Variants in GPATCH2L observed in about 807,000 individuals in gnomAD.
GPATCH2L encodes G patch domain-containing protein 2-like.
Under a neutral mutation model 57.4 loss-of-function variants are expected in GPATCH2L, and 31 were observed. The observed-to-expected ratio is 0.54, with a 90% CI of 0.41 to 0.73. GPATCH2L has a LOEUF of 0.73. GPATCH2L is among the 30% of genes least tolerant of loss of function. The pLI, the probability that GPATCH2L is intolerant of heterozygous loss-of-function variation, is 0.00. For missense variants in GPATCH2L, 481 were observed against 599.9 expected, an observed-to-expected ratio of 0.80 and a Z score of 2.07; for synonymous variants, 199 against 210.7, an observed-to-expected ratio of 0.94 and a Z score of 0.48.
intron 2 of GPATCH2L, 120 bp from the exon 3 acceptor site, chr14:76,166,543 A>G (rs1333121929): frequency 1.3e-5 from 8 of 597,736 alleles, no homozygotes; most frequent in South Asian, 2.2e-5. Flanking sequence ...TGAAATTTAC[A>G]TATCTGATTG....
chr14:76,167,274 C>A (rs891619413), intron 3 of GPATCH2L, among the ~76,000 whole-genome samples: 1 of 152,088 alleles, frequency 6.6e-6, no homozygotes, highest in African/African-American at 2.4e-5. Flanking sequence ...TTTTTACTAC[C>A]TAAACACTAA....
At chr14:76,227,719 A>G (rs926548895) in intron 1 of GPATCH2L, among the ~76,000 whole-genome samples, 22 of 42,668 alleles carry the variant, frequency 5.2e-4, no homozygotes, top group Admixed American at 1.2e-3. Flanking sequence ...ATAAAGTACT[A>G]CTTACAAGAA....
At chr14:76,165,251 T>C (rs1009326482) in intron 2 of GPATCH2L, among the ~76,000 whole-genome samples, 3 of 152,070 alleles carry the variant, frequency 2.0e-5, no homozygotes, top group African/African-American at 4.8e-5. Context: ...CTCAGCACTT[T>C]GGGAGGCCAT....
intron 3 of GPATCH2L, 79 bp from the exon 4 acceptor site, chr14:76,171,764 C>CT (rs2039096553): frequency 1.2e-6 from 1 of 811,908 alleles, no homozygotes; most frequent in Admixed American, 2.7e-5. Flanking sequence ...AACTATGGCA[C>CT]TAAGAAATCA....
rs183282952 is a variant in GPATCH2L, at chr14:76,152,495, C to G, written c.-11+504C>G. On this transcript the variant is annotated intron_variant, in intron 1 of 9. Coordinates refer to ENST00000261530, the MANE Select transcript of GPATCH2L (RefSeq NM_017926.4). ...CCACCTCCTACTCCGCCCCTCACTTCCACCCTGCTCCTGTCTCTCTTCTTA... is the reference window on the plus strand; with the variant it reads ...CCACCTCCTACTCCGCCCCTCACTTGCACCCTGCTCCTGTCTCTCTTCTTA... 6.2e-3 allele frequency: 2,184 copies of G among 352,508 alleles called. 16 individuals are homozygous for G. The highest frequency in any genetic ancestry group is 0.012 in the South Asian group (586 of 46,962). The allele number at this position is 352,508 out of a possible 1,614,324, so 21.8% of individuals were successfully genotyped here.
rs1595010244 is a variant in GPATCH2L, at chr14:76,213,699, A to C, written c.*11848A>C. 2 of 152,294 alleles carry C rather than the reference A, an allele frequency of 1.3e-5. No individual in the cohort carries two copies. The highest frequency in any genetic ancestry group is 3.9e-4 in the East Asian group (2 of 5,180). 9.4% of individuals were successfully genotyped at this position (152,294 alleles called of 1,614,324 possible). Reference sequence around the variant, plus strand: ...CTCTTGATCCAAAACCTTTTTTAAAAAAAATAATTTTAGACTTAACAGAAA... The same window carrying C: ...CTCTTGATCCAAAACCTTTTTTAAACAAAATAATTTTAGACTTAACAGAAA... On this transcript the variant is annotated 3_prime_UTR_variant, in exon 10 of 10. Transcript: ENST00000261530.
At chr14:76,194,484 A>AGTGTGTGTGT (rs59406744) in intron 8 of GPATCH2L, among the ~76,000 whole-genome samples, 3,199 of 151,098 alleles carry the variant, frequency 0.021, 50 homozygotes, top group African/African-American at 0.045. Flanking sequence ...GAGACATGAA[A>AGTGTGTGTGT]GTGTGTGTGT....
downstream of GPATCH2L, among the ~76,000 whole-genome samples, chr14:76,217,378 C>T (rs143317219): frequency 1.6e-4 from 24 of 152,168 alleles, no homozygotes; most frequent in African/African-American, 5.1e-4. Context: ...CATAATAATG[C>T]GACTGAACTC....
chr14:76,204,253 A>G lies in GPATCH2L; in HGVS notation c.*2402A>G, dbSNP rs2040350160. 1 of 152,158 alleles carries G rather than the reference A, an allele frequency of 6.6e-6. No homozygotes were observed. 9.4% of individuals were successfully genotyped at this position (152,158 alleles called of 1,614,324 possible). A position where few individuals can be genotyped will look rare whatever the true frequency, so the allele number is the denominator to read the frequency against. Reference sequence around the variant, plus strand: ...ATGAAACAGTATACCATGAATATTTATTATCTTTCTTGGGCATGCTTTTCT... The same window carrying G: ...ATGAAACAGTATACCATGAATATTTGTTATCTTTCTTGGGCATGCTTTTCT... On this transcript the variant is annotated 3_prime_UTR_variant, in exon 10 of 10. Transcript: ENST00000261530.
chr14:76,233,169 G>A (rs932644892), intron 2 of GPATCH2L, among the ~76,000 whole-genome samples: 6 of 152,150 alleles, frequency 3.9e-5, no homozygotes, highest in African/African-American at 1.4e-4. Flanking sequence ...GTAAATTATT[G>A]GGAGTGGAAT....
chr14:76,226,459 G>A (rs866023069), intron 1 of GPATCH2L, among the ~76,000 whole-genome samples: 4 of 152,118 alleles, frequency 2.6e-5, no homozygotes, highest in Non-Finnish European at 4.4e-5. Context: ...GTAACTGGAG[G>A]GAGAAAAAGG....
chr14:76,224,955 G>C (rs2040530668), intron 1 of GPATCH2L, among the ~76,000 whole-genome samples: 1 of 152,226 alleles, frequency 6.6e-6, no homozygotes, highest in East Asian at 1.9e-4. Context: ...TACATGGAAA[G>C]CATTACAGAG....
In GPATCH2L at chr14:76,201,989, G is replaced by T; in HGVS notation, c.*138G>T. 1 of 626,414 alleles carries T rather than the reference G, an allele frequency of 1.6e-6. No individual in the cohort carries two copies. The highest frequency in any genetic ancestry group is 2.7e-6 in the Non-Finnish European group (1 of 369,064). The allele number at this position is 626,414 out of a possible 1,614,324, so 38.8% of individuals were successfully genotyped here. A position where few individuals can be genotyped will look rare whatever the true frequency, so the allele number is the denominator to read the frequency against. On this transcript the variant is annotated 3_prime_UTR_variant, in exon 10 of 10. Coordinates refer to ENST00000261530, the MANE Select transcript of GPATCH2L (RefSeq NM_017926.4). ...AGAACCAACTCCTCTTTCAAACACAGCAGTGGATTCTTTCTCTCAGAAGAT... is the reference window on the plus strand; with the variant it reads ...AGAACCAACTCCTCTTTCAAACACATCAGTGGATTCTTTCTCTCAGAAGAT...
At chr14:76,226,665 C>T (rs1000780639) in intron 1 of GPATCH2L, among the ~76,000 whole-genome samples, 17 of 152,094 alleles carry the variant, frequency 1.1e-4, no homozygotes, top group African/African-American at 3.4e-4. Flanking sequence ...AAAAAGGGCT[C>T]GTGGGCGTGG....
intron 9 of GPATCH2L, among the ~76,000 whole-genome samples, chr14:76,198,705 TCA>T (rs1164276696): frequency 6.6e-6 from 1 of 152,174 alleles, no homozygotes; most frequent in African/African-American, 2.4e-5. Flanking sequence ...ACATCAGGTT[TCA>T]AATACTAGGT....
intron 2 of GPATCH2L, 102 bp downstream of exon 2, chr14:76,155,127 C>CA: frequency 1.1e-6 from 1 of 870,476 alleles, no homozygotes; most frequent in Non-Finnish European, 1.7e-6. Context: ...ACCAGCCACT[C>CA]TAGTATTGAC....
rs2040375160 is a variant in GPATCH2L, at chr14:76,206,294, C to T, written c.*4443C>T. 6.6e-6 allele frequency: 1 copy of T among 152,204 alleles called. No individual in the cohort carries two copies. Among genetic ancestry groups the T allele is most frequent in the Non-Finnish European group, 1.5e-5 (1 of 68,036 alleles). 9.4% of individuals were successfully genotyped at this position (152,204 alleles called of 1,614,324 possible). ...ACTAAATGCAAGTGGTAGAGAGATG[C>T]TTTCTCCTGTGTTAACGTCTCCAAA... On this transcript the variant is annotated 3_prime_UTR_variant, in exon 10 of 10. Coordinates refer to ENST00000261530, the MANE Select transcript of GPATCH2L (RefSeq NM_017926.4).
chr14:76,196,406 T>A, intron 9 of GPATCH2L: 1 of 240,026 alleles, frequency 4.2e-6, no homozygotes. Flanking sequence ...CATTCCTAAT[T>A]AAAAACAATT....
chr14:76,164,592 C>T (rs1217655057), intron 2 of GPATCH2L, among the ~76,000 whole-genome samples: 3 of 151,838 alleles, frequency 2.0e-5, no homozygotes, highest in African/African-American at 7.3e-5. Context: ...AAACACTGAT[C>T]TATAGATAGA....
Sources: gnomAD v4.1 joint callset for allele counts (sites outside exome capture counted in the v4.1 genomes callset) on GRCh38, gnomAD v4.1.1 for gene constraint, MANE v1.5 for transcripts, NCBI Gene and HGNC (gene_info 2026-07-23, HGNC 2026-07-21) for gene names.